TOGARAM1: variants seen among roughly 807,000 people sequenced by gnomAD.
TOGARAM1 encodes the protein TOG array regulator of axonemal microtubules 1.
In TOGARAM1, 100 loss-of-function variants were observed where a neutral mutation model predicts 166.6. The observed-to-expected ratio is 0.60, with a 90% CI of 0.51 to 0.71. The LOEUF (loss-of-function observed/expected upper bound fraction) is 0.71, where lower values mean the gene tolerates loss of function less well. Among genes scored for constraint, TOGARAM1 ranks in the 30% least tolerant of loss-of-function variants. The pLI is 0.00. For synonymous variants in TOGARAM1, 758 were observed against 763.8 expected, an observed-to-expected ratio of 0.99 and a Z score of 0.13; for missense variants, 2,029 against 2,102.7, an observed-to-expected ratio of 0.96 and a Z score of 0.69.
At chr14:45,025,258 A>G (rs959378871) in intron 7 of TOGARAM1, among the ~76,000 whole-genome samples, 1 of 152,032 alleles carries the variant, frequency 6.6e-6, no homozygotes, top group Non-Finnish European at 1.5e-5. Context: ...TCACCCTGAC[A>G]TGTAAACTCC....
Position 45,046,583 on chromosome 14 carries a change from A to G in TOGARAM1, c.4193A>G (p.His1398Arg). 7.2e-7 allele frequency: 1 copy of G among 1,391,798 alleles called. No individual in the cohort carries two copies. The highest frequency in any genetic ancestry group is 9.4e-7 in the Non-Finnish European group (1 of 1,066,154). The allele number at this position is 1,391,798 out of a possible 1,614,324, so 86.2% of individuals were successfully genotyped here. ...GCTGTAAGAAGGTGTACAGCCCAGC[A>G]TTTATCAGATGTATTGGAATTTATG... Reference protein sequence around the residue: ...HIAVRRCTAQHLSDVLEFMEP... With the variant: ...HIAVRRCTAQRLSDVLEFMEP... The change falls in exon 14 of 20, where the codon CAT becomes CGT. Residue 1398 changes from histidine to arginine, a missense_variant. His to Arg is a conservative substitution (Grantham distance 29). Coordinates refer to ENST00000361462, the MANE Select transcript of TOGARAM1 (RefSeq NM_001308120.2).
intron 1 of TOGARAM1, among the ~76,000 whole-genome samples, chr14:44,970,167 A>G (rs1351390524): frequency 6.6e-6 from 1 of 152,228 alleles, no homozygotes; most frequent in Non-Finnish European, 1.5e-5. Context: ...CTTCCTATCC[A>G]CAAACATGGA....
chr14:45,059,037 TA>T (rs1190973617), intron 16 of TOGARAM1, among the ~76,000 whole-genome samples: 1 of 152,218 alleles, frequency 6.6e-6, no homozygotes, highest in Non-Finnish European at 1.5e-5. Flanking sequence ...AACATTTGCT[TA>T]TTTCAAAATT....
At chr14:45,003,113 T>A (rs1468661771) in intron 3 of TOGARAM1, among the ~76,000 whole-genome samples, 1 of 152,220 alleles carries the variant, frequency 6.6e-6, no homozygotes, top group East Asian at 1.9e-4. Flanking sequence ...TATGTAAATC[T>A]GTGACTAAAT....
At chr14:44,967,843 T>C (rs566061777) in intron 1 of TOGARAM1, among the ~76,000 whole-genome samples, 1 of 152,304 alleles carries the variant, frequency 6.6e-6, no homozygotes, top group Non-Finnish European at 1.5e-5. Context: ...AACTTGTAGA[T>C]TTTTTTGGAA....
intron 1 of TOGARAM1, among the ~76,000 whole-genome samples, chr14:44,982,756 T>C (rs1272519381): frequency 2.0e-5 from 3 of 152,232 alleles, no homozygotes; most frequent in Non-Finnish European, 4.4e-5. Context: ...TATAAACTAC[T>C]CTTTATAGCA....
Position 45,044,983 on chromosome 14 carries a change from A to C in TOGARAM1, c.4154+113A>C, listed in dbSNP as rs150483572. On this transcript the variant is annotated intron_variant, in intron 13 of 19. Coordinates refer to ENST00000361462, the MANE Select transcript of TOGARAM1 (RefSeq NM_001308120.2). Reference sequence around the variant, plus strand: ...GTAGTATATCAGTCAAAAAACATTTATTAAAAAGTTCCTATGAGATAAACA... The same window carrying C: ...GTAGTATATCAGTCAAAAAACATTTCTTAAAAAGTTCCTATGAGATAAACA... 2.0e-3 allele frequency: 1,414 copies of C among 697,372 alleles called. 33 individuals carry two copies. The East Asian group carries it at 0.032, about 16-fold the overall frequency. 43.2% of individuals were successfully genotyped at this position (697,372 alleles called of 1,614,324 possible).
chr14:44,986,060 AT>A (rs1566609816), intron 1 of TOGARAM1, among the ~76,000 whole-genome samples: 1 of 152,186 alleles, frequency 6.6e-6, no homozygotes. Context: ...TGATTTTACA[AT>A]TTTGTATTTT....
chr14:45,013,472 T>C (rs1396444751), intron 7 of TOGARAM1, among the ~76,000 whole-genome samples: 2 of 152,214 alleles, frequency 1.3e-5, no homozygotes, highest in Non-Finnish European at 2.9e-5. Context: ...AACAAAGAGA[T>C]AGCTGCACTT....
chr14:44,977,789 G>T (rs539037606), intron 1 of TOGARAM1, among the ~76,000 whole-genome samples: 1 of 152,012 alleles, frequency 6.6e-6, no homozygotes. Context: ...GGGACTACAG[G>T]CGTGTGCCAC....
At chr14:45,049,967 G>A (rs1311300556) in intron 14 of TOGARAM1, among the ~76,000 whole-genome samples, 2 of 152,038 alleles carry the variant, frequency 1.3e-5, no homozygotes, top group African/African-American at 2.4e-5. Flanking sequence ...ATTATAAAAT[G>A]GTTACAATTA....
rs910955172 is a variant in TOGARAM1, at chr14:45,039,216, C to T, written c.3813-4470C>T. 1.2e-4 allele frequency among the ~76,000 whole-genome samples: 19 copies of T among 152,272 alleles called. 3 individuals are homozygous for T. The highest frequency in any genetic ancestry group is 3.9e-4 in the African/African-American group (16 of 41,556). On this transcript the variant is annotated intron_variant, in intron 11 of 19. Coordinates refer to ENST00000361462, the MANE Select transcript of TOGARAM1 (RefSeq NM_001308120.2). ...AGACCCTTAGAGGGTAGCTTTTCTC[C>T]ACAGGCAGGTCATCCCATCTTCCAG...
At chr14:45,018,290 A>G (rs538541715) in intron 7 of TOGARAM1, among the ~76,000 whole-genome samples, 1 of 152,072 alleles carries the variant, frequency 6.6e-6, no homozygotes, top group South Asian at 2.1e-4. Context: ...CTCAGGCTAG[A>G]GAGCAGTGGT....
chr14:45,071,679 T>G, intron 18 of TOGARAM1, 33 bp from the exon 19 acceptor site: 3 of 1,493,908 alleles, frequency 2.0e-6, no homozygotes, highest in Non-Finnish European at 1.8e-6. Flanking sequence ...TCATTACTCT[T>G]TAAACATGTG....
intron 18 of TOGARAM1, among the ~76,000 whole-genome samples, chr14:45,069,862 A>G (rs1883299695): frequency 6.6e-6 from 1 of 152,130 alleles, no homozygotes; most frequent in African/African-American, 2.4e-5. Flanking sequence ...AGAACAAAAT[A>G]TTAGGAACAT....
At position 44,962,706 on chromosome 14, in the gene TOGARAM1, G is replaced by C. The variant is rs777159180; in HGVS notation, c.285G>C (p.Glu95Asp). 4.3e-6 allele frequency: 7 copies of C among 1,613,978 alleles called. No homozygotes were observed. Among genetic ancestry groups the C allele is most frequent in the Admixed American group, 1.7e-5 (1 of 60,008 alleles). Residue 95 changes from glutamate to aspartate, a missense_variant, in exon 1 of 20, where the codon GAG becomes GAC. This residue lies in a region of TOGARAM1 where 1,453 missense variants were observed against 1,432.2 expected (regional missense o/e 1.01). Transcript: ENST00000361462. Reference sequence around the variant, plus strand: ...GCGGTTTGTCAGGGGGAGATGAAGAGGACACTCGGCTCCTTCAACTCCTCC... The same window carrying C: ...GCGGTTTGTCAGGGGGAGATGAAGACGACACTCGGCTCCTTCAACTCCTCC... ...SGGGLSGGDE[E>D]DTRLLQLLRT...
intron 1 of TOGARAM1, among the ~76,000 whole-genome samples, chr14:44,976,925 T>C (rs1280974833): frequency 2.0e-5 from 3 of 152,188 alleles, no homozygotes; most frequent in South Asian, 2.1e-4. Context: ...AGCTCTCTAC[T>C]TCTAAACCTA....
chr14:45,068,305 G>A (rs1363692478), intron 17 of TOGARAM1, 119 bp from the exon 18 acceptor site: 2 of 665,090 alleles, frequency 3.0e-6, no homozygotes. Context: ...AAAATAGGAT[G>A]TTGTGTATAT....
intron 1 of TOGARAM1, among the ~76,000 whole-genome samples, chr14:44,974,000 T>G (rs1886047185): frequency 6.6e-6 from 1 of 151,922 alleles, no homozygotes; most frequent in African/African-American, 2.4e-5. Flanking sequence ...GTGTAGTTTT[T>G]CTGACCTTTC....
Sources: allele counts gnomAD v4.1 joint callset (sites outside exome capture counted in the v4.1 genomes callset), GRCh38; gene constraint gnomAD v4.1.1; regional missense constraint gnomAD v4.1.1; transcripts MANE v1.5; gene names NCBI Gene and HGNC (gene_info 2026-07-23, HGNC 2026-07-21).